The following WDPCP variants were observed in gnomAD, a reference collection of about 807,000 sequenced individuals.
WDPCP encodes the protein WD repeat containing planar cell polarity effector, also known as WD repeat-containing and planar cell polarity effector protein fritz homolog.
A neutral mutation model predicts 93.1 loss-of-function variants in WDPCP; 71 were observed. The observed-to-expected ratio is 0.76, with a 90% confidence interval of 0.63 to 0.93. The LOEUF is 0.93. Ranked by LOEUF, WDPCP falls within the 40% of genes least tolerant of loss-of-function variation. The pLI, the probability that WDPCP is intolerant of heterozygous loss-of-function variation, is 0.00. For synonymous variants in WDPCP, 315 were observed against 315.0 expected, an observed-to-expected ratio of 1.00 and a Z score of 0.00; for missense variants, 844 against 887.4, an observed-to-expected ratio of 0.95 and a Z score of 0.62.
rs936209150 is a variant in WDPCP, at chr2:63,294,410, T to C, written c.1812+18838A>G. The stretch of plus-strand genomic sequence containing the variant: ...CTGTAATCCCAGCTACTTGGGAGGC[T>C]GAGGGAGGAGAATCACTTGAACCCG... On this transcript the variant is annotated intron_variant, in intron 13 of 17. Coordinates refer to ENST00000272321, the MANE Select transcript of WDPCP (RefSeq NM_015910.7). Among the ~76,000 whole-genome samples, 7 of 145,968 alleles carry C rather than the reference T, an allele frequency of 4.8e-5. No individual in the cohort carries two copies. The South Asian group carries it at 1.5e-3, about 32-fold the overall frequency.
At chr2:63,594,384 C>T (rs976992015) in intron 3 of WDPCP, 43 of 906,218 alleles carry the variant, frequency 4.7e-5, no homozygotes, top group Non-Finnish European at 7.2e-5. Flanking sequence ...TAAAATTTTA[C>T]ATTCACTTTT....
intron 12 of WDPCP, among the ~76,000 whole-genome samples, chr2:63,366,891 T>C (rs1690952203): frequency 6.6e-6 from 1 of 152,032 alleles, no homozygotes; most frequent in Admixed American, 6.6e-5. Context: ...CACATTGTGG[T>C]TATTGAGCAA....
At chr2:63,531,074 G>A (rs1344877460) in intron 1 of WDPCP, among the ~76,000 whole-genome samples, 2 of 152,226 alleles carry the variant, frequency 1.3e-5, no homozygotes, top group East Asian at 1.9e-4. Context: ...CCACGCCCAC[G>A]GCGCCTTGCT....
At chr2:63,808,394 C>T (rs12995820) in intron 2 of WDPCP, among the ~76,000 whole-genome samples, 1 of 148,458 alleles carries the variant, frequency 6.7e-6, no homozygotes, top group Non-Finnish European at 1.5e-5. Context: ...GATGCCGAGC[C>T]GAAGCTGGAC....
At chr2:63,548,330 TA>T (rs762180764) in intron 1 of WDPCP, among the ~76,000 whole-genome samples, 9 of 152,300 alleles carry the variant, frequency 5.9e-5, no homozygotes, top group Non-Finnish European at 1.0e-4. Flanking sequence ...AGTCAGTTTA[TA>T]ATGACAGAGG....
intron 5 of WDPCP, 55 bp downstream of exon 5, chr2:63,484,862 G>T: frequency 6.3e-7 from 1 of 1,581,244 alleles, no homozygotes; most frequent in Non-Finnish European, 8.7e-7. Flanking sequence ...GCTGTTGAAA[G>T]ATGTTTTAAA....
rs191248155 is a variant in WDPCP, at chr2:63,517,510, T to G, written c.76-24570A>C. On this transcript the variant is annotated intron_variant, in intron 1 of 17. Transcript: ENST00000272321. Reference sequence around the variant, plus strand: ...ACAGATGAATAGTTTTCAAACATTTTTTCTAGCAGAACACTTTTTCTTATA... The same window carrying G: ...ACAGATGAATAGTTTTCAAACATTTGTTCTAGCAGAACACTTTTTCTTATA... Among the ~76,000 whole-genome samples the G allele has an allele frequency of 1.1e-4, 17 of 152,308 alleles. No individual in the cohort carries two copies. The East Asian group carries it at 3.1e-3, about 28-fold the overall frequency.
At chr2:63,640,133 C>T (rs1709965412) in intron 3 of WDPCP, among the ~76,000 whole-genome samples, 1 of 152,006 alleles carries the variant, frequency 6.6e-6, no homozygotes, top group Non-Finnish European at 1.5e-5. Context: ...CTCAGCCTCC[C>T]GAGTAGCTGG....
intron 12 of WDPCP, among the ~76,000 whole-genome samples, chr2:63,371,187 A>G (rs1030521423): frequency 2.6e-5 from 4 of 152,178 alleles, no homozygotes; most frequent in Non-Finnish European, 5.9e-5. Flanking sequence ...TGCTCAGGTC[A>G]AAACACTTGA....
At chr2:63,226,273 C>A (rs1324866136) in intron 14 of WDPCP, among the ~76,000 whole-genome samples, 2 of 151,764 alleles carry the variant, frequency 1.3e-5, no homozygotes, top group Non-Finnish European at 2.9e-5. Flanking sequence ...GGACTCTAAC[C>A]CAGAGAAACC....
At chr2:63,593,784 TA>T (rs1709248820), upstream of WDPCP, among the ~76,000 whole-genome samples, 1 of 152,258 alleles carries the variant, frequency 6.6e-6, no homozygotes, top group African/African-American at 2.4e-5. Flanking sequence ...TTCTATCTTT[TA>T]AAATTCTGTC....
chr2:63,174,952 T>G (rs993279803), intron 14 of WDPCP, 120 bp from the exon 15 acceptor site: 9 of 1,125,012 alleles, frequency 8.0e-6, no homozygotes, highest in Non-Finnish European at 1.2e-5. Context: ...TTTGTCAATT[T>G]CAAAATCTTG....
chr2:63,563,717 A>C (rs1435203644), intron 1 of WDPCP, among the ~76,000 whole-genome samples: 1 of 152,024 alleles, frequency 6.6e-6, no homozygotes, highest in East Asian at 1.9e-4. Flanking sequence ...CCCTAGTGCA[A>C]AAGGACTGTG....
chr2:63,446,835 T>C (rs1255686215), intron 6 of WDPCP, among the ~76,000 whole-genome samples: 1 of 152,262 alleles, frequency 6.6e-6, no homozygotes, highest in African/African-American at 2.4e-5. Context: ...GTTCTCATTC[T>C]CTGCTCACCA....
At chr2:63,523,702 A>C (rs1703109028) in intron 1 of WDPCP, among the ~76,000 whole-genome samples, 1 of 152,208 alleles carries the variant, frequency 6.6e-6, no homozygotes, top group African/African-American at 2.4e-5. Context: ...ATCTGAGGTC[A>C]GGAGTTCGAG....
chr2:63,340,167 T>G (rs1450442737), intron 12 of WDPCP, among the ~76,000 whole-genome samples: 1 of 152,204 alleles, frequency 6.6e-6, no homozygotes, highest in Non-Finnish European at 1.5e-5. Context: ...TTAGCCTATC[T>G]TTACTGGTAG....
At chr2:63,652,584 A>C (rs1389970445) in intron 2 of WDPCP, among the ~76,000 whole-genome samples, 1 of 152,160 alleles carries the variant, frequency 6.6e-6, no homozygotes, top group Non-Finnish European at 1.5e-5. Context: ...TCAGCACTGG[A>C]GCTTCATTTT....
At chr2:63,423,852 A>G (rs1232912196) in intron 9 of WDPCP, among the ~76,000 whole-genome samples, 2 of 152,200 alleles carry the variant, frequency 1.3e-5, no homozygotes, top group Admixed American at 1.3e-4. Context: ...TTAATGAGGG[A>G]TAAGATGGCC....
At chr2:63,729,085 A>G (rs1159372837) in intron 2 of WDPCP, among the ~76,000 whole-genome samples, 2 of 152,190 alleles carry the variant, frequency 1.3e-5, no homozygotes, top group African/African-American at 4.8e-5. Context: ...GTCCAAGTAA[A>G]TATCAATCAA....
Sources: allele counts gnomAD v4.1 joint callset (sites outside exome capture counted in the v4.1 genomes callset), GRCh38; gene constraint gnomAD v4.1.1; transcripts MANE v1.5; gene names NCBI Gene and HGNC (gene_info 2026-07-23, HGNC 2026-07-21).